Variants in HS2ST1 observed in about 807,000 individuals in gnomAD.
HS2ST1 encodes the protein heparan sulfate 2-O-sulfotransferase 1.
HS2ST1 carries 18 observed loss-of-function variants against 42.9 expected under a neutral mutation model. The observed-to-expected ratio is 0.42, with a 90% CI of 0.29 to 0.62. HS2ST1 has a LOEUF of 0.62. HS2ST1 is among the 20% of genes least tolerant of loss of function. The pLI is 0.21. For missense variants in HS2ST1, 334 were observed against 433.8 expected, an observed-to-expected ratio of 0.77 and a Z score of 2.04; for synonymous variants, 146 against 152.9, an observed-to-expected ratio of 0.95 and a Z score of 0.33.
chr1:87,088,630 GT>G (rs1165857906), intron 3 of HS2ST1, among the ~76,000 whole-genome samples: 1 of 152,092 alleles, frequency 6.6e-6, no homozygotes, highest in Admixed American at 6.6e-5. Context: ...CTGCCAAACT[GT>G]TTTCCCAAGT....
intron 1 of HS2ST1, among the ~76,000 whole-genome samples, chr1:86,936,233 A>G (rs1462807432): frequency 1.3e-5 from 2 of 151,842 alleles, no homozygotes; most frequent in African/African-American, 4.8e-5. Flanking sequence ...TTATTTTTAA[A>G]TTTTTTCTCT....
In HS2ST1 at chr1:86,969,877, G is replaced by A. The variant is rs536586957; in HGVS notation, c.124+54717G>A. On this transcript the variant is annotated intron_variant, in intron 1 of 6. Coordinates refer to ENST00000370550, the MANE Select transcript of HS2ST1 (RefSeq NM_012262.4). ...GCGGTGGCTCACGCCTGTAATCCCA[G>A]CACTTTGGGAGGCCGAGGCAGGTGG... 2.8e-4 allele frequency among the ~76,000 whole-genome samples: 42 copies of A among 152,268 alleles called. No homozygotes were observed. In the South Asian group the frequency reaches 8.5e-3, roughly 31 times the overall value.
At chr1:86,960,695 A>C (rs1647814605) in intron 1 of HS2ST1, among the ~76,000 whole-genome samples, 1 of 152,232 alleles carries the variant, frequency 6.6e-6, no homozygotes, top group East Asian at 1.9e-4. Flanking sequence ...ATATCATTAG[A>C]GAACATGCAA....
At chr1:87,020,866 G>A (rs1649925010) in intron 1 of HS2ST1, among the ~76,000 whole-genome samples, 1 of 152,140 alleles carries the variant, frequency 6.6e-6, no homozygotes, top group Non-Finnish European at 1.5e-5. Flanking sequence ...TTGGGGGTCA[G>A]GGAAACAATT....
chr1:87,020,367 A>G (rs6661530), intron 1 of HS2ST1, among the ~76,000 whole-genome samples: 111,944 of 152,064 alleles, frequency 0.74, 42,773 homozygotes, highest in East Asian at 0.97. Flanking sequence ...ATCAGCTACT[A>G]TTTGGTCATT....
intron 1 of HS2ST1, among the ~76,000 whole-genome samples, chr1:86,938,264 T>C (rs902718347): frequency 2.0e-5 from 3 of 152,210 alleles, no homozygotes; most frequent in African/African-American, 7.2e-5. Context: ...ATTTTCTTGC[T>C]GAGGTACACA....
At chr1:86,959,148 C>T (rs1647755049) in intron 1 of HS2ST1, among the ~76,000 whole-genome samples, 1 of 152,178 alleles carries the variant, frequency 6.6e-6, no homozygotes, top group Admixed American at 6.5e-5. Flanking sequence ...CTAATGAGAA[C>T]ATAGATCCTT....
At chr1:87,004,632 A>G (rs1649384788) in intron 1 of HS2ST1, among the ~76,000 whole-genome samples, 1 of 152,160 alleles carries the variant, frequency 6.6e-6, no homozygotes, top group Admixed American at 6.5e-5. Context: ...TTTTTGTGCC[A>G]GTTTGAGTGT....
chr1:87,077,028 A>C (rs927451733), intron 2 of HS2ST1, among the ~76,000 whole-genome samples: 1 of 152,210 alleles, frequency 6.6e-6, no homozygotes, highest in African/African-American at 2.4e-5. Context: ...GTGTATGCTA[A>C]TCACTGGTTA....
At chr1:87,033,602 G>A (rs1570499717) in intron 1 of HS2ST1, among the ~76,000 whole-genome samples, 1 of 152,044 alleles carries the variant, frequency 6.6e-6, no homozygotes, top group Non-Finnish European at 1.5e-5. Context: ...GGAGTGCAAT[G>A]GCAAGATCTT....
Position 86,990,830 on chromosome 1 carries a change from ATATATATTTTTTT to A in HS2ST1, c.124+75672_124+75684del, listed in dbSNP as rs1483513963. Among the ~76,000 whole-genome samples, 78 of 18,594 alleles carry A rather than the reference ATATATATTTTTTT, an allele frequency of 4.2e-3. 3 individuals are homozygous for A. The East Asian group carries it at 0.18, about 43-fold the overall frequency. The allele number at this position is 18,594 out of a possible 152,430, so 12.2% of individuals were successfully genotyped here. A position where few individuals can be genotyped will look rare whatever the true frequency, so the allele number is the denominator to read the frequency against. ...GCTAATTTTATATATATATATATAT[ATATATATTTTTTT>A]TTTTTTTTTTTTTTTTAGTAGAGAT... On this transcript the variant is annotated intron_variant, in intron 1 of 6. Transcript: ENST00000370550.
intron 1 of HS2ST1, among the ~76,000 whole-genome samples, chr1:86,999,165 A>G (rs1410525752): frequency 6.6e-6 from 1 of 152,062 alleles, no homozygotes; most frequent in Non-Finnish European, 1.5e-5. Context: ...TTTGGAAACA[A>G]TAATTTTTAT....
rs149601115 is a variant in HS2ST1, at chr1:87,029,960, T to C, written c.125-42974T>C. Among the ~76,000 whole-genome samples, 641 of 152,338 alleles carry C rather than the reference T, an allele frequency of 4.2e-3. 1 individual carries two copies. The highest frequency in any genetic ancestry group is 0.013 in the South Asian group (62 of 4,828). On this transcript the variant is annotated intron_variant, in intron 1 of 6. Coordinates refer to ENST00000370550, the MANE Select transcript of HS2ST1 (RefSeq NM_012262.4). The stretch of plus-strand genomic sequence containing the variant: ...GTTTCTTGCCCAGAAGAAAGGTATT[T>C]CGGTAAAAAGGAAAGCAAATTTGTA...
intron 1 of HS2ST1, among the ~76,000 whole-genome samples, chr1:87,007,858 A>T (rs75789048): frequency 6.6e-6 from 1 of 152,102 alleles, no homozygotes; most frequent in Non-Finnish European, 1.5e-5. Flanking sequence ...ATTCCTGTGC[A>T]TCTATTTTTA....
chr1:86,976,129 T>C lies in HS2ST1; in HGVS notation c.124+60969T>C, dbSNP rs530268995. ...GAAACATAGTTTGGAATAATAGATT[T>C]AAAGTTTCTGTTTCTATTCAGTGGC... On this transcript the variant is annotated intron_variant, in intron 1 of 6. Coordinates refer to ENST00000370550, the MANE Select transcript of HS2ST1 (RefSeq NM_012262.4). Among the ~76,000 whole-genome samples, 4 of 152,360 alleles carry C rather than the reference T, an allele frequency of 2.6e-5. No homozygotes were observed. The South Asian group carries it at 8.3e-4, about 32-fold the overall frequency.
intron 1 of HS2ST1, among the ~76,000 whole-genome samples, chr1:87,000,719 T>C (rs1157107992): frequency 1.3e-5 from 2 of 152,228 alleles, no homozygotes; most frequent in African/African-American, 4.8e-5. Flanking sequence ...ATTGTTTTCT[T>C]TATAGGGCAT....
chr1:87,096,729 T>C (rs888424649), intron 4 of HS2ST1, among the ~76,000 whole-genome samples: 1 of 152,202 alleles, frequency 6.6e-6, no homozygotes, highest in African/African-American at 2.4e-5. Flanking sequence ...TTGCCAAATA[T>C]CACCTGAGGG....
At chr1:87,078,357 A>G (rs1320876788) in intron 2 of HS2ST1, among the ~76,000 whole-genome samples, 1 of 152,116 alleles carries the variant, frequency 6.6e-6, no homozygotes, top group African/African-American at 2.4e-5. Context: ...CCCCAACACC[A>G]TTACCTATAT....
chr1:87,051,632 T>C (rs761329081), intron 1 of HS2ST1, among the ~76,000 whole-genome samples: 26 of 152,314 alleles, frequency 1.7e-4, no homozygotes, highest in Non-Finnish European at 2.5e-4. Flanking sequence ...CAATTAAAAC[T>C]CAAATTATGG....
Sources: allele counts gnomAD v4.1 joint callset (sites outside exome capture counted in the v4.1 genomes callset), GRCh38; gene constraint gnomAD v4.1.1; transcripts MANE v1.5; gene names NCBI Gene and HGNC (gene_info 2026-07-23, HGNC 2026-07-21).